Variants in ERAP1 observed in about 807,000 individuals in gnomAD.
The protein encoded by ERAP1 is endoplasmic reticulum aminopeptidase 1.
ERAP1 carries 86 observed loss-of-function variants against 103.7 expected under a neutral mutation model. The observed-to-expected ratio is 0.83, with a 90% CI of 0.70 to 0.99. The LOEUF is 0.99. Ranked by LOEUF, ERAP1 falls within the 50% of genes least tolerant of loss-of-function variation. The pLI is 0.00. For missense variants in ERAP1, 1,009 were observed against 1,128.4 expected, an observed-to-expected ratio of 0.89 and a Z score of 1.52; for synonymous variants, 398 against 402.4, an observed-to-expected ratio of 0.99 and a Z score of 0.13.
the ERAP1 span, among the ~76,000 whole-genome samples, chr5:96,916,778 TTA>T: frequency 6.6e-6 from 1 of 151,392 alleles, no homozygotes; most frequent in African/African-American, 2.4e-5. Context: ...TTTTTTTTTT[TTA>T]AAGCATTATA....
the ERAP1 span, among the ~76,000 whole-genome samples, chr5:96,895,002 C>T: frequency 1.3e-5 from 2 of 150,664 alleles, no homozygotes; most frequent in Non-Finnish European, 1.5e-5. Flanking sequence ...GAATGAAAGT[C>T]GAAGAGTTAA....
At chr5:96,770,391 C>A (rs1184177961), downstream of ERAP1, 1 of 594,860 alleles carries the variant, frequency 1.7e-6, no homozygotes. Flanking sequence ...CAAAAAAAAT[C>A]ATGAAAAAAC....
the ERAP1 span, among the ~76,000 whole-genome samples, chr5:96,913,162 AAAAAGT>A: frequency 6.6e-6 from 1 of 152,250 alleles, no homozygotes; most frequent in Non-Finnish European, 1.5e-5. Flanking sequence ...ATTATTTCTA[AAAAAGT>A]AAAAGTTTAA....
the ERAP1 span, among the ~76,000 whole-genome samples, chr5:96,833,790 CGG>C: frequency 1.0e-5 from 1 of 95,670 alleles, no homozygotes. Context: ...GAGCAAGGCT[CGG>C]AAAAAAAAAA....
At chr5:96,931,824 G>C in the ERAP1 span, among the ~76,000 whole-genome samples, 1 of 152,196 alleles carries the variant, frequency 6.6e-6, no homozygotes, top group Non-Finnish European at 1.5e-5. Flanking sequence ...TGCTCATATA[G>C]AGGACTGAAG....
the ERAP1 span, chr5:96,892,418 G>A: frequency 6.2e-7 from 1 of 1,613,954 alleles, no homozygotes; most frequent in Non-Finnish European, 8.5e-7. Flanking sequence ...TAAACTGTGG[G>A]TCACCAGAGT....
chr5:96,801,992 C>T (rs1425113615), intron 2 of ERAP1, among the ~76,000 whole-genome samples: 1 of 151,818 alleles, frequency 6.6e-6, no homozygotes, highest in Non-Finnish European at 1.5e-5. Context: ...GCTCAACTTC[C>T]TTAATCAAAG....
intron 8 of ERAP1, among the ~76,000 whole-genome samples, chr5:96,791,757 T>C (rs1776756691): frequency 6.6e-6 from 1 of 152,252 alleles, no homozygotes; most frequent in South Asian, 2.1e-4. Context: ...CAGGAATTTT[T>C]GTCTAGTACA....
chr5:96,769,575 CACA>C (rs1771481081), downstream of ERAP1: 1 of 152,000 alleles, frequency 6.6e-6, no homozygotes, highest in African/African-American at 2.4e-5. Flanking sequence ...ATCATTCTCA[CACA>C]ACTACTTTTT....
chr5:96,880,574 CAAAG>C, the ERAP1 span, among the ~76,000 whole-genome samples: 1 of 152,028 alleles, frequency 6.6e-6, no homozygotes, highest in African/African-American at 2.4e-5. Flanking sequence ...GAATGCTTCT[CAAAG>C]GAAGTGAGTC....
chr5:96,814,345 C>A, the ERAP1 span: 2 of 456,128 alleles, frequency 4.4e-6, no homozygotes, highest in Non-Finnish European at 8.8e-6. Context: ...AGAATGAATA[C>A]CAGGAGGCAA....
chr5:96,900,045 G>T, the ERAP1 span: 2 of 1,508,950 alleles, frequency 1.3e-6, no homozygotes, highest in Non-Finnish European at 1.8e-6. Context: ...ATAAATGCCT[G>T]CATCCATGGC....
At chr5:96,901,517 G>C in the ERAP1 span, 1 of 1,613,222 alleles carries the variant, frequency 6.2e-7, no homozygotes, top group African/African-American at 1.3e-5. Flanking sequence ...TCGCCTTTCT[G>C]GGGGAAAATG....
the ERAP1 span, among the ~76,000 whole-genome samples, chr5:96,927,903 T>TCTTG: frequency 2.6e-5 from 4 of 151,506 alleles, no homozygotes; most frequent in East Asian, 2.0e-4. Flanking sequence ...TCTTTTCATT[T>TCTTG]CTTTCTTTCT....
At chr5:96,808,186 C>G (rs2607337), upstream of ERAP1, 5 of 772,216 alleles carry the variant, frequency 6.5e-6, no homozygotes, top group East Asian at 6.3e-4. Context: ...GAACGCGGAT[C>G]CGTGTGTGTG....
exon 20 of ERAP1, chr5:96,762,248 A>C: frequency 2.0e-6 from 3 of 1,467,022 alleles, no homozygotes; most frequent in Non-Finnish European, 2.8e-6. Context: ...ACAACATGTT[A>C]CTAATAAAAT....
intron 18 of ERAP1, among the ~76,000 whole-genome samples, chr5:96,777,173 T>C (rs1287247210): frequency 6.6e-6 from 1 of 152,204 alleles, no homozygotes; most frequent in Non-Finnish European, 1.5e-5. Flanking sequence ...CTGAAAAATA[T>C]GTTTGTTCTT....
At chr5:96,807,732 C>T (rs1281796464) in intron 1 of ERAP1, 128 bp downstream of exon 1, 3 of 595,034 alleles carry the variant, frequency 5.0e-6, no homozygotes, top group East Asian at 1.3e-4. Flanking sequence ...TCCCTCCTCC[C>T]GTGCCCCGTC....
chr5:96,927,503 T>C, the ERAP1 span, among the ~76,000 whole-genome samples: 1 of 152,234 alleles, frequency 6.6e-6, no homozygotes, highest in African/African-American at 2.4e-5. Flanking sequence ...TTTGTTTGTT[T>C]TGAGACGGAG....
Sources: allele counts gnomAD v4.1 joint callset (sites outside exome capture counted in the v4.1 genomes callset), GRCh38; gene constraint gnomAD v4.1.1; transcripts MANE v1.5; gene names NCBI Gene and HGNC (gene_info 2026-07-23, HGNC 2026-07-21).